The following DPH3 variants were observed in gnomAD, a reference collection of about 807,000 sequenced individuals.
DPH3 encodes diphthamide biosynthesis protein 3.
Under a neutral mutation model 10.2 loss-of-function variants are expected in DPH3, and 8 were observed. The observed-to-expected ratio is 0.79, with a 90% confidence interval of 0.46 to 1.42. The LOEUF (loss-of-function observed/expected upper bound fraction) is 1.42, where lower values mean the gene tolerates loss of function less well. Ranked by LOEUF, DPH3 falls within the 40% of genes most tolerant of loss-of-function variation. The pLI is 0.00. For missense variants in DPH3, 96 were observed against 98.9 expected (o/e 0.97, Z 0.12); for synonymous variants, 35 against 35.6 (o/e 0.98, Z 0.06).
At position 16,262,745 on chromosome 3, in the gene DPH3, G is replaced by T. The variant is rs926345433; in HGVS notation, c.183+1410C>A. The stretch of plus-strand genomic sequence containing the variant: ...ACTTGGATGACAGACCTCTCACTTA[G>T]TATGTACAATTTCAACCCCTATACC... On this transcript the variant is annotated intron_variant, in intron 2 of 2. Transcript: ENST00000488423. The surrounding 1 kb of genome is among the most constrained non-coding windows in gnomAD (Gnocchi z 4.7). Among the ~76,000 whole-genome samples, 4 of 152,106 alleles carry T rather than the reference G, an allele frequency of 2.6e-5. No individual in the cohort carries two copies. Among genetic ancestry groups the T allele is most frequent in the African/African-American group, 7.2e-5 (3 of 41,406 alleles).
In DPH3 at chr3:16,260,839, A is replaced by G; in HGVS notation, c.184-10T>C. Reference sequence around the variant, plus strand: ...CACACACAAACTGATCCTAAGACAGAGTGAGAAATGACATTAACCAATGAA... The same window carrying G: ...CACACACAAACTGATCCTAAGACAGGGTGAGAAATGACATTAACCAATGAA... On this transcript the variant is annotated splice_polypyrimidine_tract_variant and intron_variant, in intron 2 of 2. Transcript: ENST00000488423. 6.2e-7 allele frequency: 1 copy of G among 1,611,794 alleles called. No individual in the cohort carries two copies. Among genetic ancestry groups the G allele is most frequent in the Non-Finnish European group, 8.5e-7 (1 of 1,178,410 alleles).
chr3:16,264,914 G>A lies in DPH3; in HGVS notation c.-38C>T. On this transcript the variant is annotated 5_prime_UTR_variant, in exon 1 of 3. Transcript: ENST00000488423. ...TGGCCGAAGGGGTAACGCCCCAGCAGTCCGAGGCCAGCTCCGAGGGTTTAA... is the reference window on the plus strand; with the variant it reads ...TGGCCGAAGGGGTAACGCCCCAGCAATCCGAGGCCAGCTCCGAGGGTTTAA... The A allele has an allele frequency of 6.2e-7, 1 of 1,609,176 alleles. No homozygotes were observed. The highest frequency in any genetic ancestry group is 8.5e-7 in the Non-Finnish European group (1 of 1,176,150).
rs1321141619 is a variant in DPH3 at position 16,257,182 on chromosome 3, G to C, written c.*3582C>G. On this transcript the variant is annotated 3_prime_UTR_variant, in exon 3 of 3. Transcript: ENST00000488423. ...TTTAATTCCTTTCGGAGTTAGAATA[G>C]TTAACCATTTTTTGCACATGACAGG... Among the ~76,000 whole-genome samples the C allele has an allele frequency of 6.6e-6, 1 of 152,200 alleles. No homozygotes were observed. Among genetic ancestry groups the C allele is most frequent in the Admixed American group, 6.5e-5 (1 of 15,278 alleles).
intron 2 of DPH3, 28 bp downstream of exon 2, chr3:16,264,127 T>C: frequency 1.9e-6 from 3 of 1,542,164 alleles, no homozygotes; most frequent in Non-Finnish European, 2.7e-6. Context: ...ACAATACCCT[T>C]CCCCCGTTTT....
chr3:16,261,539 C>A lies in DPH3; in HGVS notation c.184-710G>T, dbSNP rs73138602. Among the ~76,000 whole-genome samples, 7,797 of 152,234 alleles carry A rather than the reference C, an allele frequency of 0.051. 612 individuals carry two copies. The highest frequency in any genetic ancestry group is 0.18 in the African/African-American group (7,371 of 41,490). On this transcript the variant is annotated intron_variant, in intron 2 of 2. Transcript: ENST00000488423. This position sits in a 1 kb window ranked among gnomAD's most constrained non-coding sequence, Gnocchi z 7.1. Reference sequence around the variant, plus strand: ...AAATGTCCTTTTATCCCCAAGAGCACTGGTAATATCTGGAAACAGTTTGAA... The same window carrying A: ...AAATGTCCTTTTATCCCCAAGAGCAATGGTAATATCTGGAAACAGTTTGAA...
chr3:16,262,287 C>A lies in DPH3; in HGVS notation c.184-1458G>T, dbSNP rs922147868. Among the ~76,000 whole-genome samples the A allele has an allele frequency of 6.6e-6, 1 of 152,220 alleles. No individual in the cohort carries two copies. Among genetic ancestry groups the A allele is most frequent in the Non-Finnish European group, 1.5e-5 (1 of 68,040 alleles). ...AGTATTCTGCCCATTGGTTTCTTCA[C>A]TCATGCGCTGTTCCTGTTACTCCAT... On this transcript the variant is annotated intron_variant, in intron 2 of 2. Coordinates refer to ENST00000488423, the MANE Select transcript of DPH3 (RefSeq NM_206831.3). This position sits in a 1 kb window ranked among gnomAD's most constrained non-coding sequence, Gnocchi z 4.7.
rs2064317006 is a variant in DPH3, at chr3:16,263,317, C to T, written c.183+838G>A. The stretch of plus-strand genomic sequence containing the variant: ...CTCATATGTACATGGCTCACTCCCT[C>T]ACCTCCTTCAAATCTTTACCTATTA... On this transcript the variant is annotated intron_variant, in intron 2 of 2. Transcript: ENST00000488423. This position sits in a 1 kb window ranked among gnomAD's most constrained non-coding sequence, Gnocchi z 4.0. Among the ~76,000 whole-genome samples, 3 of 152,122 alleles carry T rather than the reference C, an allele frequency of 2.0e-5. No individual in the cohort carries two copies. Among genetic ancestry groups the T allele is most frequent in the African/African-American group, 4.8e-5 (2 of 41,394 alleles).
rs546138206 is a variant in DPH3 at position 16,263,329 on chromosome 3, A to T, written c.183+826T>A. 2.6e-5 allele frequency among the ~76,000 whole-genome samples: 4 copies of T among 151,986 alleles called. No homozygotes were observed. The highest frequency in any genetic ancestry group is 5.9e-5 in the Non-Finnish European group (4 of 68,012). ...TGGCTCACTCCCTCACCTCCTTCAAATCTTTACCTATTAAGGCCTTTCTCA... is the reference window on the plus strand; with the variant it reads ...TGGCTCACTCCCTCACCTCCTTCAATTCTTTACCTATTAAGGCCTTTCTCA... On this transcript the variant is annotated intron_variant, in intron 2 of 2. Transcript: ENST00000488423. This position sits in a 1 kb window ranked among gnomAD's most constrained non-coding sequence, Gnocchi z 4.0.
rs1011131470 is a variant in DPH3 at position 16,260,779 on chromosome 3, T to A, written c.234A>T (p.Glu78Asp). ...ETVPAPSANK[E>D]LVKC ...GAAGGCTTCTTCAGCATTTAACTAA[T>A]TCTTTGTTGGCTGAAGGGGCTGGGA... Residue 78 changes from glutamate (E) to aspartate (D), a missense_variant, in exon 3 of 3, where the codon GAA becomes GAT. By Grantham distance (45) the Glu-to-Asp change is conservative (BLOSUM62 2). Coordinates refer to ENST00000488423, the MANE Select transcript of DPH3 (RefSeq NM_206831.3). 3.1e-6 allele frequency: 5 copies of A among 1,613,706 alleles called. No individual in the cohort carries two copies. The highest frequency in any genetic ancestry group is 4.2e-6 in the Non-Finnish European group (5 of 1,179,810).
Position 16,262,667 on chromosome 3 carries a change from ATC to A in DPH3, c.183+1486_183+1487del, listed in dbSNP as rs904724736. 2.6e-5 allele frequency among the ~76,000 whole-genome samples: 4 copies of A among 152,152 alleles called. No homozygotes were observed. Among genetic ancestry groups the A allele is most frequent in the Admixed American group, 2.6e-4 (4 of 15,282 alleles). Reference sequence around the variant, plus strand: ...ACTCCCAAATTGACATTGCTAGCCAATCTCTCTCATGAACGCCAGACATGCAT... The same window carrying A: ...ACTCCCAAATTGACATTGCTAGCCAATCTCTCATGAACGCCAGACATGCAT... On this transcript the variant is annotated intron_variant, in intron 2 of 2. Coordinates refer to ENST00000488423, the MANE Select transcript of DPH3 (RefSeq NM_206831.3). The surrounding 1 kb of genome is among the most constrained non-coding windows in gnomAD (Gnocchi z 4.7).
In DPH3 at chr3:16,260,762, C is replaced by A. The variant is rs758000167; in HGVS notation, c.*2G>T. 3 of 1,613,092 alleles carry A rather than the reference C, an allele frequency of 1.9e-6. No individual in the cohort carries two copies. Among genetic ancestry groups the A allele is most frequent in the Admixed American group, 3.3e-5 (2 of 59,974 alleles). The stretch of plus-strand genomic sequence containing the variant: ...TCAGGATTTGGATTCCTGAAGGCTT[C>A]TTCAGCATTTAACTAATTCTTTGTT... On this transcript the variant is annotated 3_prime_UTR_variant, in exon 3 of 3. Transcript: ENST00000488423.
At position 16,260,535 on chromosome 3, in the gene DPH3, A is replaced by G; in HGVS notation, c.*229T>C. ...TGAAATTATCTTCTTTTAAATTTAG[A>G]TGCATAATTAAGAATGCTTCCAATT... On this transcript the variant is annotated 3_prime_UTR_variant, in exon 3 of 3. Transcript: ENST00000488423. 1 of 453,536 alleles carries G rather than the reference A, an allele frequency of 2.2e-6. No individual in the cohort carries two copies. The highest frequency in any genetic ancestry group is 4.0e-6 in the Non-Finnish European group (1 of 247,362). 28.1% of individuals were successfully genotyped at this position (453,536 alleles called of 1,614,324 possible).
intron 2 of DPH3, 68 bp from the exon 3 acceptor site, chr3:16,260,897 T>G: frequency 7.1e-7 from 1 of 1,399,990 alleles, no homozygotes; most frequent in Non-Finnish European, 1.0e-6. Flanking sequence ...TATTAAACCT[T>G]CATTTTGTTA....
chr3:16,264,357 C>T, intron 1 of DPH3, 128 bp from the exon 2 acceptor site: 1 of 615,558 alleles, frequency 1.6e-6, no homozygotes, highest in South Asian at 2.5e-5. Flanking sequence ...GTGAGAACCC[C>T]AGGGCCTTCA....
Position 16,264,904 on chromosome 3 carries a change from C to CG in DPH3, c.-29dup, listed in dbSNP as rs1559709686. 2 of 1,612,404 alleles carry CG rather than the reference C, an allele frequency of 1.2e-6. No individual in the cohort carries two copies. The highest frequency in any genetic ancestry group is 2.7e-5 in the African/African-American group (2 of 75,038). On this transcript the variant is annotated 5_prime_UTR_variant, in exon 1 of 3. Coordinates refer to ENST00000488423, the MANE Select transcript of DPH3 (RefSeq NM_206831.3). ...TCAGCGGGGGTGGCCGAAGGGGTAA[C>CG]GCCCCAGCAGTCCGAGGCCAGCTCC...
chr3:16,261,295 G>C lies in DPH3; in HGVS notation c.184-466C>G, dbSNP rs1443202293. Among the ~76,000 whole-genome samples, 1 of 152,194 alleles carries C rather than the reference G, an allele frequency of 6.6e-6. No individual in the cohort carries two copies. Among genetic ancestry groups the C allele is most frequent in the Non-Finnish European group, 1.5e-5 (1 of 68,038 alleles). On this transcript the variant is annotated intron_variant, in intron 2 of 2. Coordinates refer to ENST00000488423, the MANE Select transcript of DPH3 (RefSeq NM_206831.3). This position sits in a 1 kb window ranked among gnomAD's most constrained non-coding sequence, Gnocchi z 7.1. ...CTATGTTAGCTACTTTGTAAATGAA[G>C]TTCAATCTCTGGTCTTTTATCCTGG...
chr3:16,262,764 C>T lies in DPH3; in HGVS notation c.183+1391G>A, dbSNP rs2064301082. Among the ~76,000 whole-genome samples the T allele has an allele frequency of 6.6e-6, 1 of 152,190 alleles. No homozygotes were observed. The highest frequency in any genetic ancestry group is 1.5e-5 in the Non-Finnish European group (1 of 68,034). On this transcript the variant is annotated intron_variant, in intron 2 of 2. Coordinates refer to ENST00000488423, the MANE Select transcript of DPH3 (RefSeq NM_206831.3). The surrounding 1 kb of genome is among the most constrained non-coding windows in gnomAD (Gnocchi z 4.7). Reference sequence around the variant, plus strand: ...CACTTAGTATGTACAATTTCAACCCCTATACCTATAGTTACATTCCCTCAA... The same window carrying T: ...CACTTAGTATGTACAATTTCAACCCTTATACCTATAGTTACATTCCCTCAA...
chr3:16,264,452 A>C, intron 1 of DPH3: 1 of 552,228 alleles, frequency 1.8e-6, no homozygotes, highest in Non-Finnish European at 3.2e-6. Context: ...GGTCGCCCCA[A>C]AAGCCCTGGG....
rs1467684605 is a variant in DPH3, at chr3:16,260,323, A to G, written c.*441T>C. The G allele has an allele frequency of 6.3e-6, 1 of 159,990 alleles. No homozygotes were observed. The highest frequency in any genetic ancestry group is 1.7e-4 in the East Asian group (1 of 5,798). The allele number at this position is 159,990 out of a possible 1,614,324, so 9.9% of individuals were successfully genotyped here. Reference sequence around the variant, plus strand: ...AAGCAACTAATTTTAAATTTAGAACAGCAAAGCTGATGTCATATTTCAAAG... The same window carrying G: ...AAGCAACTAATTTTAAATTTAGAACGGCAAAGCTGATGTCATATTTCAAAG... On this transcript the variant is annotated 3_prime_UTR_variant, in exon 3 of 3. Coordinates refer to ENST00000488423, the MANE Select transcript of DPH3 (RefSeq NM_206831.3).
Sources: gnomAD v4.1 joint callset for allele counts (sites outside exome capture counted in the v4.1 genomes callset) on GRCh38, gnomAD v4.1.1 for gene constraint, Gnocchi (gnomAD v3.1) non-coding constraint, MANE v1.5 for transcripts, NCBI Gene and HGNC (gene_info 2026-07-23, HGNC 2026-07-21) for gene names.